Variants in CD2AP observed in about 807,000 individuals in gnomAD.
CD2AP encodes CD2 associated protein.
Under a neutral mutation model 85.1 loss-of-function variants are expected in CD2AP, and 46 were observed. The observed-to-expected ratio is 0.54, with a 90% CI of 0.43 to 0.69. The LOEUF (loss-of-function observed/expected upper bound fraction) is 0.69, where lower values mean the gene tolerates loss of function less well. CD2AP is among the 30% of genes least tolerant of loss of function. The pLI is 0.00. For synonymous variants in CD2AP, 255 were observed against 252.9 expected, an observed-to-expected ratio of 1.01 and a Z score of -0.08; for missense variants, 769 against 729.5, an observed-to-expected ratio of 1.05 and a Z score of -0.62.
chr6:47,514,753 G>A (rs988947590), intron 2 of CD2AP, among the ~76,000 whole-genome samples: 2 of 152,098 alleles, frequency 1.3e-5, no homozygotes, highest in African/African-American at 4.8e-5. Flanking sequence ...TCAGAAAGGG[G>A]ATTAAAAGTA....
In CD2AP at chr6:47,477,928, C is replaced by T; in HGVS notation, c.-317C>T. ...GGTCTGGGCAAACCGGTGGGTCCCTCCCCACTGCGGGAGCGGCCAGGGTGG... is the reference window on the plus strand; with the variant it reads ...GGTCTGGGCAAACCGGTGGGTCCCTTCCCACTGCGGGAGCGGCCAGGGTGG... On this transcript the variant is annotated 5_prime_UTR_variant, in exon 1 of 18. Coordinates refer to ENST00000359314, the MANE Select transcript of CD2AP (RefSeq NM_012120.3). 1 of 493,080 alleles carries T rather than the reference C, an allele frequency of 2.0e-6. No homozygotes were observed. Among genetic ancestry groups the T allele is most frequent in the Non-Finnish European group, 3.6e-6 (1 of 276,184 alleles). The allele number at this position is 493,080 out of a possible 1,614,324, so 30.5% of individuals were successfully genotyped here.
At position 47,627,071 on chromosome 6, in the gene CD2AP, T is replaced by A. The variant is rs1316738559; in HGVS notation, c.*2844T>A. The A allele has an allele frequency of 6.6e-6, 1 of 152,454 alleles. No individual in the cohort carries two copies. Among genetic ancestry groups the A allele is most frequent in the East Asian group, 1.9e-4 (1 of 5,206 alleles). 9.4% of individuals were successfully genotyped at this position (152,454 alleles called of 1,614,324 possible). A position where few individuals can be genotyped will look rare whatever the true frequency, so the allele number is the denominator to read the frequency against. On this transcript the variant is annotated 3_prime_UTR_variant, in exon 18 of 18. Coordinates refer to ENST00000359314, the MANE Select transcript of CD2AP (RefSeq NM_012120.3). ...AAATAGTATATACTTCACTAACTTG[T>A]TTACAGGTGCTGTATTTAAAAGCAT...
chr6:47,597,940 T>C (rs914461869), intron 12 of CD2AP, among the ~76,000 whole-genome samples: 2 of 150,888 alleles, frequency 1.3e-5, no homozygotes, highest in Non-Finnish European at 3.0e-5. Flanking sequence ...GACCCAGTGG[T>C]GTCTCTTCTT....
Position 47,477,943 on chromosome 6 carries a change from G to C in CD2AP, c.-302G>C, listed in dbSNP as rs1433062826. 3 of 509,912 alleles carry C rather than the reference G, an allele frequency of 5.9e-6. No individual in the cohort carries two copies. Among genetic ancestry groups the C allele is most frequent in the East Asian group, 7.3e-5 (2 of 27,340 alleles). The allele number at this position is 509,912 out of a possible 1,614,324, so 31.6% of individuals were successfully genotyped here. A position where few individuals can be genotyped will look rare whatever the true frequency, so the allele number is the denominator to read the frequency against. ...GTGGGTCCCTCCCCACTGCGGGAGCGGCCAGGGTGGGAAAACCGCGGTCGG... is the reference window on the plus strand; with the variant it reads ...GTGGGTCCCTCCCCACTGCGGGAGCCGCCAGGGTGGGAAAACCGCGGTCGG... On this transcript the variant is annotated 5_prime_UTR_variant, in exon 1 of 18. Transcript: ENST00000359314.
At chr6:47,573,675 G>A (rs1297871784) in intron 5 of CD2AP, among the ~76,000 whole-genome samples, 1 of 151,708 alleles carries the variant, frequency 6.6e-6, no homozygotes, top group Non-Finnish European at 1.5e-5. Context: ...ATTTTTAGTG[G>A]AGACGGGGTT....
chr6:47,623,893 G>A (rs1294013042), intron 17 of CD2AP, among the ~76,000 whole-genome samples: 1 of 152,044 alleles, frequency 6.6e-6, no homozygotes, highest in Non-Finnish European at 1.5e-5. Flanking sequence ...TTTGTTCTTT[G>A]TAGGACTGAC....
chr6:47,519,197 T>C (rs2114003841), intron 2 of CD2AP, among the ~76,000 whole-genome samples: 1 of 152,320 alleles, frequency 6.6e-6, no homozygotes, highest in Admixed American at 6.5e-5. Context: ...ATAAGCACTT[T>C]GAACAAAAAT....
At chr6:47,613,937 A>T (rs1168380715) in intron 17 of CD2AP, among the ~76,000 whole-genome samples, 1 of 152,108 alleles carries the variant, frequency 6.6e-6, no homozygotes, top group Admixed American at 6.6e-5. Flanking sequence ...TGTCATGGAG[A>T]TGGCTTCTTA....
At chr6:47,503,559 T>A in intron 2 of CD2AP, 119 bp downstream of exon 2, 1 of 948,992 alleles carries the variant, frequency 1.1e-6, no homozygotes, top group South Asian at 1.5e-5. Context: ...TTTGTAACAT[T>A]TAAGAAAATA....
chr6:47,535,044 C>T (rs1766993092), intron 3 of CD2AP, among the ~76,000 whole-genome samples: 1 of 152,026 alleles, frequency 6.6e-6, no homozygotes, highest in Admixed American at 6.5e-5. Flanking sequence ...TGATTTGCCC[C>T]CATTGGCTTC....
At chr6:47,497,386 G>A (rs1271371630) in intron 1 of CD2AP, among the ~76,000 whole-genome samples, 9 of 118,674 alleles carry the variant, frequency 7.6e-5, no homozygotes, top group African/African-American at 2.0e-4. Context: ...CTTCCCTGTC[G>A]CCTTCCCTTT....
chr6:47,497,233 CTTTTCCTTTTCTT>C (rs67475452), intron 1 of CD2AP, among the ~76,000 whole-genome samples: 40,033 of 149,260 alleles, frequency 0.27, 5,533 homozygotes, highest in African/African-American at 0.32. Flanking sequence ...CTTTCCTTTC[CTTTTCCTTTTCTT>C]TTTTCCTTTC....
chr6:47,555,350 G>GT (rs933381835), intron 5 of CD2AP, among the ~76,000 whole-genome samples: 20 of 151,758 alleles, frequency 1.3e-4, no homozygotes, highest in Middle Eastern at 3.2e-3. Flanking sequence ...AATTAGGAGA[G>GT]TTTTTTTTGT....
At chr6:47,503,171 G>A (rs970462010) in intron 1 of CD2AP, 109 bp from the exon 2 acceptor site, 5 of 1,034,362 alleles carry the variant, frequency 4.8e-6, no homozygotes. Flanking sequence ...TGTCTTTGTG[G>A]TATTAAATAT....
At chr6:47,510,945 C>T (rs966466996) in intron 2 of CD2AP, among the ~76,000 whole-genome samples, 10 of 151,634 alleles carry the variant, frequency 6.6e-5, no homozygotes, top group East Asian at 1.9e-4. Context: ...TGGTGGCGTG[C>T]GCCTGTAGTC....
In CD2AP at chr6:47,624,383, TTA is replaced by T; in HGVS notation, c.*166_*167del. The T allele has an allele frequency of 3.2e-6, 2 of 623,640 alleles. No homozygotes were observed. Among genetic ancestry groups the T allele is most frequent in the African/African-American group, 1.8e-5 (1 of 54,198 alleles). The allele number at this position is 623,640 out of a possible 1,614,324, so 38.6% of individuals were successfully genotyped here. On this transcript the variant is annotated 3_prime_UTR_variant, in exon 18 of 18. Transcript: ENST00000359314. ...ATAGAAAAGTAGAGTGAGGGTGAATTTATATATATATTTTGTTTTGCCAATAT... is the reference window on the plus strand; with the variant it reads ...ATAGAAAAGTAGAGTGAGGGTGAATTTATATATATTTTGTTTTGCCAATAT...
intron 1 of CD2AP, among the ~76,000 whole-genome samples, chr6:47,498,032 C>T (rs995044425): frequency 4.6e-5 from 7 of 152,118 alleles, no homozygotes; most frequent in African/African-American, 9.7e-5. Flanking sequence ...TTTAATTTTG[C>T]GCAGCTGCAA....
intron 14 of CD2AP, 29 bp from the exon 15 acceptor site, chr6:47,607,898 T>C: frequency 1.4e-6 from 2 of 1,463,344 alleles, no homozygotes; most frequent in South Asian, 1.1e-5. Context: ...TGGTCTATTA[T>C]GTCTCTTGAC....
chr6:47,494,758 C>T (rs1765815500), intron 1 of CD2AP, among the ~76,000 whole-genome samples: 1 of 152,176 alleles, frequency 6.6e-6, no homozygotes, highest in Non-Finnish European at 1.5e-5. Context: ...CAGCCTCCAG[C>T]AAGTCATCAA....
Sources: gnomAD v4.1 joint callset for allele counts (sites outside exome capture counted in the v4.1 genomes callset) on GRCh38, gnomAD v4.1.1 for gene constraint, MANE v1.5 for transcripts, NCBI Gene and HGNC (gene_info 2026-07-23, HGNC 2026-07-21) for gene names.